Variants in PDZD9 observed in about 807,000 individuals in gnomAD.
PDZD9 encodes the protein PDZ domain containing 9, also known as PDZ domain-containing protein 9.
A neutral mutation model predicts 16.3 loss-of-function variants in PDZD9; 13 were observed. The observed-to-expected ratio is 0.80, with a 90% confidence interval of 0.52 to 1.27. PDZD9 has a LOEUF of 1.27. Ranked by LOEUF, PDZD9 falls within the 50% of genes most tolerant of loss-of-function variation. PDZD9 has a pLI of 0.00. For synonymous variants in PDZD9, 120 were observed against 111.0 expected (o/e 1.08, Z -0.51); for missense variants, 288 against 310.9 (o/e 0.93, Z 0.55).
At chr16:21,958,607 A>G in the PDZD9 span, 1 of 1,609,644 alleles carries the variant, frequency 6.2e-7, no homozygotes, top group South Asian at 1.1e-5. Flanking sequence ...AAGGTTTGTT[A>G]AATAAGTAAT....
chr16:21,991,380 C>T lies in PDZD9; in HGVS notation c.212-2589G>A, dbSNP rs543567458. On this transcript the variant is annotated intron_variant, in intron 2 of 3. Transcript: ENST00000424898. ...CCCCTGGAGGAGCTGGGACTGCAAG[C>T]GCATATGCCCACCATGTTGGGCTAG... Among the ~76,000 whole-genome samples, 11 of 152,180 alleles carry T rather than the reference C, an allele frequency of 7.2e-5. No homozygotes were observed. In the East Asian group the frequency reaches 1.2e-3, roughly 16 times the overall value.
downstream of PDZD9, chr16:21,983,497 C>T (rs1475134985): frequency 2.0e-5 from 7 of 343,780 alleles, no homozygotes; most frequent in East Asian, 4.4e-5. Flanking sequence ...AAGTGGCTAT[C>T]GGGGTAAATA....
At chr16:21,976,379 T>C in the PDZD9 span, 1 of 709,912 alleles carries the variant, frequency 1.4e-6, no homozygotes, top group Non-Finnish European at 2.3e-6. Flanking sequence ...AACATACCCA[T>C]ATCCTACCAC....
At chr16:21,987,250 T>TATTAAAAATACAAAA (rs1491451151) in intron 3 of PDZD9, among the ~76,000 whole-genome samples, 1 of 151,994 alleles carries the variant, frequency 6.6e-6, no homozygotes, top group Non-Finnish European at 1.5e-5. Flanking sequence ...TGAAACTTCG[T>TATTAAAAATACAAAA]CTCTATTAAA....
At chr16:21,980,623 C>G (rs1597970235), downstream of PDZD9, 3 of 1,614,186 alleles carry the variant, frequency 1.9e-6, no homozygotes, top group Non-Finnish European at 2.5e-6. Flanking sequence ...GTCCCAGGCT[C>G]TAGTTGCTGG....
At chr16:21,987,048 A>T (rs940928893) in intron 3 of PDZD9, among the ~76,000 whole-genome samples, 3 of 152,324 alleles carry the variant, frequency 2.0e-5, no homozygotes, top group Middle Eastern at 3.4e-3. Flanking sequence ...CAATGTGAGG[A>T]TTTTGACATT....
At chr16:21,983,204 CG>C, downstream of PDZD9, 1 of 1,573,962 alleles carries the variant, frequency 6.4e-7, no homozygotes, top group South Asian at 1.1e-5. Flanking sequence ...GAGAGCTGAA[CG>C]TTCTCTCAGC....
chr16:21,964,315 C>G, the PDZD9 span, among the ~76,000 whole-genome samples: 1 of 152,204 alleles, frequency 6.6e-6, no homozygotes, highest in Non-Finnish European at 1.5e-5. Flanking sequence ...TCTGCCTGAA[C>G]AGTTACTGTG....
the PDZD9 span, chr16:21,962,864 G>A: frequency 6.2e-7 from 1 of 1,613,840 alleles, no homozygotes; most frequent in African/African-American, 1.3e-5. Context: ...CAAAGCTGTG[G>A]CCTTTCAGAA....
rs958468098 is a variant in PDZD9 at position 21,984,458 on chromosome 16, T to C, written c.604A>G (p.Ile202Val). Residue 202 changes from isoleucine to valine, a missense_variant, in exon 4 of 4, where the codon ATT (isoleucine) becomes GTT (valine). Ile to Val is a conservative substitution (Grantham distance 29, BLOSUM62 3). Transcript: ENST00000424898. ...KNHTISVGKD[I>V]NCDVMIHRDD... Reference sequence around the variant, plus strand: ...CTGTGAATCATCACGTCACAATTAATGTCTTTTCCTACACTAATAGTATGG... The same window carrying C: ...CTGTGAATCATCACGTCACAATTAACGTCTTTTCCTACACTAATAGTATGG... 4 of 1,613,808 alleles carry C rather than the reference T, an allele frequency of 2.5e-6. No homozygotes were observed. The African/African-American group carries it at 5.3e-5, about 22-fold the overall frequency.
the PDZD9 span, among the ~76,000 whole-genome samples, chr16:21,978,509 C>T: frequency 1.7e-4 from 26 of 152,124 alleles, no homozygotes; most frequent in Non-Finnish European, 3.1e-4. Flanking sequence ...ACCTGTACTG[C>T]CCTTCCCCAC....
chr16:21,962,814 G>T, the PDZD9 span: 1 of 1,614,088 alleles, frequency 6.2e-7, no homozygotes, highest in East Asian at 2.2e-5. Flanking sequence ...GAATTTCGTC[G>T]TTGGGAAGTA....
intron 2 of PDZD9, 125 bp from the exon 3 acceptor site, chr16:21,988,916 C>A: frequency 1.4e-6 from 1 of 729,932 alleles, no homozygotes; most frequent in Non-Finnish European, 2.0e-6. Flanking sequence ...TGAACCAAAA[C>A]CAGGCTTCAG....
chr16:21,970,304 T>TGTCTAAGAACAGAATTGCCAGGAC, the PDZD9 span, among the ~76,000 whole-genome samples: 1 of 152,232 alleles, frequency 6.6e-6, no homozygotes, highest in African/African-American at 2.4e-5. Context: ...CTTTTGGTTA[T>TGTCTAAGAACAGAATTGCCAGGAC]GTCTAAGAAC....
downstream of PDZD9, chr16:21,980,196 A>G (rs1433578914): frequency 8.5e-6 from 2 of 234,096 alleles, no homozygotes; most frequent in Admixed American, 8.5e-5. Flanking sequence ...AGTGACATGC[A>G]GAGGATCCAG....
chr16:21,968,611 GT>G, the PDZD9 span: 1 of 1,594,024 alleles, frequency 6.3e-7, no homozygotes, highest in African/African-American at 1.4e-5. Flanking sequence ...CCTAATAAGT[GT>G]TTTTAACTTC....
At chr16:21,974,592 G>A in the PDZD9 span, among the ~76,000 whole-genome samples, 15 of 152,150 alleles carry the variant, frequency 9.9e-5, no homozygotes, top group South Asian at 2.5e-3. Flanking sequence ...TGGAAATTGG[G>A]TAAAATGTGT....
At chr16:21,999,092 A>C (rs1899224429) in intron 1 of PDZD9, 1 of 154,806 alleles carries the variant, frequency 6.5e-6, no homozygotes, top group Admixed American at 6.5e-5. Flanking sequence ...GCAGGAGCTG[A>C]GTCAATTAAT....
the PDZD9 span, chr16:21,968,706 G>C: frequency 6.3e-7 from 1 of 1,593,588 alleles, no homozygotes; most frequent in Non-Finnish European, 8.5e-7. Flanking sequence ...AGTATTGCCT[G>C]CCTGTCAGTT....
Sources: allele counts gnomAD v4.1 joint callset (sites outside exome capture counted in the v4.1 genomes callset), GRCh38; gene constraint gnomAD v4.1.1; transcripts MANE v1.5; gene names NCBI Gene and HGNC (gene_info 2026-07-23, HGNC 2026-07-21).